The following MARK2 variants were observed in gnomAD, a reference collection of about 807,000 sequenced individuals.
The protein encoded by MARK2 is serine/threonine-protein kinase MARK2.
Under a neutral mutation model 89.8 loss-of-function variants are expected in MARK2, and 16 were observed. The ratio of observed to expected loss-of-function variants is 0.18; its 90% CI spans 0.12 to 0.27. MARK2 has a LOEUF of 0.27. Ranked by LOEUF, MARK2 falls within the 10% of genes least tolerant of loss-of-function variation. MARK2 has a pLI of 1.00. For missense variants in MARK2, 621 were observed against 1,049.9 expected, an observed-to-expected ratio of 0.59 and a Z score of 5.65; for synonymous variants, 382 against 399.5, an observed-to-expected ratio of 0.96 and a Z score of 0.52.
At chr11:63,905,133 G>A (rs934512078) in intron 16 of MARK2, 90 bp downstream of exon 16, 5 of 1,425,522 alleles carry the variant, frequency 3.5e-6, no homozygotes, top group Non-Finnish European at 4.8e-6. Flanking sequence ...TTGGGGTTTG[G>A]GACACTCTGT....
intron 1 of MARK2, chr11:63,890,143 G>A (rs1324029141): frequency 2.5e-5 from 22 of 894,722 alleles, no homozygotes; most frequent in Non-Finnish European, 2.9e-5. Flanking sequence ...TGCCTCACTT[G>A]GGGCCTTGGC....
intron 1 of MARK2, among the ~76,000 whole-genome samples, chr11:63,876,609 G>T (rs189525147): frequency 1.1e-3 from 169 of 152,320 alleles, no homozygotes; most frequent in African/African-American, 3.8e-3. Flanking sequence ...GGTATCCTGG[G>T]TGGGTTTCTT....
At chr11:63,842,087 C>T (rs2016048042) in intron 1 of MARK2, among the ~76,000 whole-genome samples, 1 of 152,148 alleles carries the variant, frequency 6.6e-6, no homozygotes, top group Admixed American at 6.5e-5. Flanking sequence ...CTCCTTAGCC[C>T]CTTCATACCT....
chr11:63,868,089 T>A (rs1287848388), intron 1 of MARK2, among the ~76,000 whole-genome samples: 1 of 152,136 alleles, frequency 6.6e-6, no homozygotes, highest in Non-Finnish European at 1.5e-5. Flanking sequence ...GAAACAAAAA[T>A]TTTTTTAAAT....
At chr11:63,878,151 T>C (rs1938878081) in intron 1 of MARK2, among the ~76,000 whole-genome samples, 1 of 152,196 alleles carries the variant, frequency 6.6e-6, no homozygotes, top group African/African-American at 2.4e-5. Context: ...CAGGGTACTG[T>C]TGCAGGTTGT....
intron 3 of MARK2, 24 bp downstream of exon 3, chr11:63,895,657 CCTTTTT>C: frequency 7.0e-7 from 1 of 1,420,776 alleles, no homozygotes; most frequent in Non-Finnish European, 9.6e-7. Flanking sequence ...ACCTCCTGTC[CCTTTTT>C]TTTTTTTTTT....
chr11:63,877,089 T>C (rs961552174), intron 1 of MARK2, among the ~76,000 whole-genome samples: 1 of 148,936 alleles, frequency 6.7e-6, no homozygotes, highest in Admixed American at 6.8e-5. Flanking sequence ...AGAAACCAGT[T>C]CAATCAGACT....
In MARK2 at chr11:63,888,962, C is replaced by CG. The variant is rs894669618; in HGVS notation, c.55-6194dup. 5.2e-6 allele frequency: 7 copies of CG among 1,351,400 alleles called. No homozygotes were observed. In the African/African-American group the frequency reaches 1.0e-4, roughly 20 times the overall value. The allele number at this position is 1,351,400 out of a possible 1,614,324, so 83.7% of individuals were successfully genotyped here. On this transcript the variant is annotated intron_variant, in intron 1 of 18. Coordinates refer to ENST00000402010, the MANE Select transcript of MARK2 (RefSeq NM_001039469.3). ...GGTAGTCCTTTTCCCTTTCTCCAGT[C>CG]GGGTATGTTGTCCCCCTTTTTACTC...
At chr11:63,892,846 C>G (rs1939999866) in intron 1 of MARK2, among the ~76,000 whole-genome samples, 2 of 151,330 alleles carry the variant, frequency 1.3e-5, no homozygotes, top group Admixed American at 1.3e-4. Flanking sequence ...CCTCCCGCCT[C>G]ATCCTCCAGA....
chr11:63,842,397 A>G (rs1190841994), intron 1 of MARK2, among the ~76,000 whole-genome samples: 1 of 152,030 alleles, frequency 6.6e-6, no homozygotes, highest in Admixed American at 6.6e-5. Flanking sequence ...TTTGGATTTT[A>G]GTAGAGACAG....
rs1467354019 is a variant in MARK2, at chr11:63,900,863, G to A, written c.972G>A (p.Lys324=). 2.5e-6 allele frequency: 4 copies of A among 1,614,052 alleles called. No individual in the cohort carries two copies. Among genetic ancestry groups the A allele is most frequent in the South Asian group, 2.2e-5 (2 of 91,086 alleles). ...KPYVEPLPDY[K]DPRRTELMVS... ...ACGTGGAGCCACTCCCTGACTACAA[G>A]GACCCCCGGCGGACAGGTGAGGCTG... Residue 324 remains lysine, a synonymous_variant, in exon 10 of 19, where the codon AAG becomes AAA. Transcript: ENST00000402010. This position sits in a 1 kb window ranked among gnomAD's most constrained non-coding sequence, Gnocchi z 4.7.
chr11:63,854,799 C>T (rs894033851), intron 1 of MARK2, among the ~76,000 whole-genome samples: 11 of 132,860 alleles, frequency 8.3e-5, no homozygotes, highest in South Asian at 2.6e-4. Flanking sequence ...CCAACAACAG[C>T]GAGACACCAT....
chr11:63,895,076 C>A (rs1034700029), intron 1 of MARK2, 83 bp from the exon 2 acceptor site: 2 of 1,196,742 alleles, frequency 1.7e-6, no homozygotes, highest in South Asian at 1.4e-5. Flanking sequence ...GCCCCTGCAC[C>A]CTCATCCCTT....
chr11:63,906,203 C>A, intron 17 of MARK2, 89 bp downstream of exon 17: 1 of 1,244,282 alleles, frequency 8.0e-7, no homozygotes. Flanking sequence ...TTTTCTGGCT[C>A]TTACTCTCCT....
At position 63,910,652 on chromosome 11, in the gene MARK2, A is replaced by ATTTTATTTTT. The variant is rs1941692549; in HGVS notation, c.*1419_*1420insATTTTTTTTT. 1 of 137,436 alleles carries ATTTTATTTTT rather than the reference A, an allele frequency of 7.3e-6. No homozygotes were observed. The allele number at this position is 137,436 out of a possible 1,614,324, so 8.5% of individuals were successfully genotyped here. ...GTTTTATTTTTTATTATTTTATTTT[A>ATTTTATTTTT]TTTTTTTTTTTTTTGATTTATGATG... On this transcript the variant is annotated 3_prime_UTR_variant, in exon 19 of 19. Transcript: ENST00000402010.
chr11:63,902,263 A>T lies in MARK2; in HGVS notation c.1167A>T (p.Pro389=). Residue 389 remains proline, a synonymous_variant, in exon 12 of 19, where the codon CCA becomes CCT. Transcript: ENST00000402010. This position sits in a 1 kb window ranked among gnomAD's most constrained non-coding sequence, Gnocchi z 4.2. ...PSADLTNSSA[P]SPSHKVQRSV... is the part of the protein sequence containing the mutation. ...CTGATCTGACCAATAGCAGCGCCCC[A>T]TCCCCATCCCACAAGGTACAGCGCA... 1 of 1,614,092 alleles carries T rather than the reference A, an allele frequency of 6.2e-7. No individual in the cohort carries two copies. Among genetic ancestry groups the T allele is most frequent in the Non-Finnish European group, 8.5e-7 (1 of 1,179,990 alleles).
chr11:63,886,652 GAC>G (rs1242891233), intron 1 of MARK2, among the ~76,000 whole-genome samples: 1 of 152,174 alleles, frequency 6.6e-6, no homozygotes, highest in Non-Finnish European at 1.5e-5. Context: ...TCGAACTCCT[GAC>G]CTCAAGTGAT....
rs145272566 is a variant in MARK2, at chr11:63,859,671, G to A, written c.54+20111G>A. 7.4e-5 allele frequency among the ~76,000 whole-genome samples: 11 copies of A among 148,972 alleles called. No homozygotes were observed. In the East Asian group the frequency reaches 9.9e-4, roughly 13 times the overall value. The stretch of plus-strand genomic sequence containing the variant: ...TTTCGAGACAGAGTCCCACTCTGTC[G>A]CCCAGGCTGGAGTGCGGTGGCCGGA... On this transcript the variant is annotated intron_variant, in intron 1 of 18. Transcript: ENST00000402010.
chr11:63,905,527 C>T (rs1048401165), intron 16 of MARK2, among the ~76,000 whole-genome samples: 8 of 152,324 alleles, frequency 5.3e-5, no homozygotes, highest in Non-Finnish European at 7.3e-5. Context: ...CCCTTCTGCC[C>T]GGGGGTTTTA....
Sources: gnomAD v4.1 joint callset for allele counts (sites outside exome capture counted in the v4.1 genomes callset) on GRCh38, gnomAD v4.1.1 for gene constraint, Gnocchi (gnomAD v3.1) non-coding constraint, MANE v1.5 for transcripts, NCBI Gene and HGNC (gene_info 2026-07-23, HGNC 2026-07-21) for gene names.